CSMD2: variants seen among roughly 807,000 people sequenced by gnomAD.
The protein encoded by CSMD2 is CUB and sushi domain-containing protein 2.
A neutral mutation model predicts 398.5 loss-of-function variants in CSMD2; 130 were observed. That is an observed-to-expected ratio of 0.33 (90% CI 0.28 to 0.38). The LOEUF is 0.38. Ranked by LOEUF, CSMD2 falls within the 10% of genes least tolerant of loss-of-function variation. The pLI is 1.00. For missense variants in CSMD2, 3,829 were observed against 4,764.9 expected (o/e 0.80, Z 5.78); for synonymous variants, 1,828 against 1,908.5 (o/e 0.96, Z 1.10).
intron 13 of CSMD2, among the ~76,000 whole-genome samples, chr1:33,752,425 C>T (rs1029617119): frequency 6.6e-6 from 1 of 152,208 alleles, no homozygotes; most frequent in African/African-American, 2.4e-5. Context: ...CTCCGTTTTG[C>T]CTTCTGCCAT....
rs562803907 is a variant in CSMD2 at position 34,164,080 on chromosome 1, G to C, written c.187+831C>G. On this transcript the variant is annotated intron_variant, in intron 1 of 70. Coordinates refer to ENST00000373381, the MANE Select transcript of CSMD2 (RefSeq NM_001281956.2). The surrounding 1 kb of genome is among the most constrained non-coding windows in gnomAD (Gnocchi z 6.2). ...CGCCGCCCGCGCCGCCGCTGCCGCT[G>C]CCGCAGCCGAGGCGCTCGGCTGCAG... Among the ~76,000 whole-genome samples the C allele has an allele frequency of 4.6e-5, 7 of 152,264 alleles. No homozygotes were observed. The highest frequency in any genetic ancestry group is 1.7e-4 in the African/African-American group (7 of 41,570).
chr1:33,875,218 C>G (rs12122958), intron 5 of CSMD2, among the ~76,000 whole-genome samples: 17,484 of 152,160 alleles, frequency 0.11, 1,265 homozygotes, highest in East Asian at 0.23. Context: ...GTGTGAAGAT[C>G]TGTGAAATGC....
At chr1:33,856,012 A>G (rs1250917142) in intron 5 of CSMD2, among the ~76,000 whole-genome samples, 1 of 152,206 alleles carries the variant, frequency 6.6e-6, no homozygotes, top group East Asian at 1.9e-4. Context: ...TTGTGTGAAC[A>G]TGGGCATGCA....
intron 5 of CSMD2, chr1:33,862,934 G>A (rs1238046080): frequency 6.6e-6 from 1 of 152,174 alleles, no homozygotes; most frequent in Non-Finnish European, 1.5e-5. Context: ...TCTAGTCTTA[G>A]GCAAGTTTCC....
intron 6 of CSMD2, among the ~76,000 whole-genome samples, chr1:33,842,761 T>A (rs530209153): frequency 6.6e-6 from 1 of 152,342 alleles, no homozygotes; most frequent in East Asian, 1.9e-4. Flanking sequence ...TATTATTTTT[T>A]TCAATTTTCT....
At position 33,837,902 on chromosome 1, in the gene CSMD2, G is replaced by A. The variant is rs117465441; in HGVS notation, c.1033+8982C>T. Among the ~76,000 whole-genome samples, 427 of 152,280 alleles carry A rather than the reference G, an allele frequency of 2.8e-3. 9 individuals carry two copies. In the East Asian group the frequency reaches 0.033, roughly 12 times the overall value. On this transcript the variant is annotated intron_variant, in intron 6 of 70. Transcript: ENST00000373381. ...CTGGTTAATTACAAGACATTTTCCC[G>A]CTGTTGTAAAGGTTAGCGGGACACA...
At chr1:33,544,232 G>A (rs1031904331) in intron 57 of CSMD2, among the ~76,000 whole-genome samples, 12 of 148,146 alleles carry the variant, frequency 8.1e-5, no homozygotes, top group African/African-American at 2.5e-4. Flanking sequence ...TCAACCTCCC[G>A]AGTACCTGGG....
chr1:34,006,918 C>G (rs1343462909), intron 3 of CSMD2, among the ~76,000 whole-genome samples: 2 of 151,968 alleles, frequency 1.3e-5, no homozygotes, highest in Non-Finnish European at 1.5e-5. Flanking sequence ...GCCAGACTCT[C>G]TCAGGCATGG....
At chr1:33,716,061 G>T (rs1189476774) in intron 20 of CSMD2, among the ~76,000 whole-genome samples, 2 of 152,124 alleles carry the variant, frequency 1.3e-5, no homozygotes, top group African/African-American at 4.8e-5. Flanking sequence ...CACCTTCATA[G>T]AATAAGAATC....
rs747242358 is a variant in CSMD2 at position 33,534,888 on chromosome 1, G to A, written c.9880-981C>T. Among the ~76,000 whole-genome samples the A allele has an allele frequency of 2.0e-5, 3 of 152,188 alleles. No homozygotes were observed. The South Asian group carries it at 6.2e-4, about 32-fold the overall frequency. ...TGGTTCTGCCTACAAAATGTATCCCGAACAAGCGTTCAGGATCACTTCTCA... is the reference window on the plus strand; with the variant it reads ...TGGTTCTGCCTACAAAATGTATCCCAAACAAGCGTTCAGGATCACTTCTCA... On this transcript the variant is annotated intron_variant, in intron 62 of 70. Transcript: ENST00000373381.
intron 3 of CSMD2, among the ~76,000 whole-genome samples, chr1:34,018,246 A>G (rs1161404143): frequency 6.6e-6 from 1 of 152,232 alleles, no homozygotes; most frequent in East Asian, 1.9e-4. Context: ...AAATGACTGC[A>G]TAAATCTATT....
chr1:34,146,474 T>C (rs566306143), intron 1 of CSMD2, among the ~76,000 whole-genome samples: 1 of 152,318 alleles, frequency 6.6e-6, no homozygotes, highest in Non-Finnish European at 1.5e-5. Flanking sequence ...TCACTCCCTT[T>C]GTCTGACTGA....
intron 68 of CSMD2, 78 bp downstream of exon 68, chr1:33,521,385 C>A: frequency 1.0e-6 from 1 of 991,990 alleles, no homozygotes; most frequent in South Asian, 1.3e-5. Flanking sequence ...CTTCCCCAGT[C>A]CTCTACCTGA....
intron 3 of CSMD2, among the ~76,000 whole-genome samples, chr1:33,962,528 T>G (rs192959265): frequency 6.6e-6 from 1 of 152,170 alleles, no homozygotes; most frequent in African/African-American, 2.4e-5. Flanking sequence ...AGGGAAAAAA[T>G]TTATTACTGC....
At chr1:33,887,908 G>A (rs1641709389) in intron 5 of CSMD2, among the ~76,000 whole-genome samples, 1 of 152,098 alleles carries the variant, frequency 6.6e-6, no homozygotes, top group Non-Finnish European at 1.5e-5. Flanking sequence ...AGAGAGTTCA[G>A]TAAGATGGCT....
intron 9 of CSMD2, among the ~76,000 whole-genome samples, chr1:33,818,094 A>C (rs1356546778): frequency 1.3e-5 from 2 of 152,248 alleles, no homozygotes; most frequent in Non-Finnish European, 2.9e-5. Context: ...TCCTCTAGTG[A>C]AAAGGTCTTG....
intron 5 of CSMD2, among the ~76,000 whole-genome samples, chr1:33,867,470 A>G (rs1277121311): frequency 6.6e-6 from 1 of 152,252 alleles, no homozygotes; most frequent in Admixed American, 6.5e-5. Context: ...CAGAAACTGT[A>G]TAAATGTAAG....
intron 2 of CSMD2, among the ~76,000 whole-genome samples, chr1:34,054,728 A>T (rs369257751): frequency 6.6e-6 from 1 of 152,110 alleles, no homozygotes; most frequent in Non-Finnish European, 1.5e-5. Context: ...CGACAGAGCG[A>T]GACTCTGTCT....
intron 67 of CSMD2, 109 bp downstream of exon 67, chr1:33,523,198 C>A: frequency 1.7e-6 from 1 of 604,532 alleles, no homozygotes. Flanking sequence ...CACAGAAAAC[C>A]TCCTCCCAAG....
Sources: gnomAD v4.1 joint callset for allele counts (sites outside exome capture counted in the v4.1 genomes callset) on GRCh38, gnomAD v4.1.1 for gene constraint, Gnocchi (gnomAD v3.1) non-coding constraint, MANE v1.5 for transcripts, NCBI Gene and HGNC (gene_info 2026-07-23, HGNC 2026-07-21) for gene names.